The following PHF21A variants were observed in gnomAD, a reference collection of about 807,000 sequenced individuals.
The protein encoded by PHF21A is BHC80a.
PHF21A carries 11 observed loss-of-function variants against 82.5 expected under a neutral mutation model. That is an observed-to-expected ratio of 0.13 (90% CI 0.08 to 0.22). The LOEUF is 0.22. Ranked by LOEUF, PHF21A falls within the 10% of genes least tolerant of loss-of-function variation. The probability of loss-of-function intolerance (pLI) is 1.00; values close to 1 mark genes in which losing one functional copy is unlikely to be tolerated. For missense variants in PHF21A, 579 were observed against 837.8 expected (o/e 0.69, Z 3.81); for synonymous variants, 297 against 302.8 (o/e 0.98, Z 0.20).
At chr11:46,001,786 G>A (rs1021918059) in intron 6 of PHF21A, among the ~76,000 whole-genome samples, 15 of 152,236 alleles carry the variant, frequency 9.9e-5, no homozygotes, top group African/African-American at 3.1e-4. Flanking sequence ...CTAGAAAAAC[G>A]TCACTTTGAA....
At chr11:46,091,348 G>A (rs1232586951) in intron 2 of PHF21A, among the ~76,000 whole-genome samples, 1 of 151,558 alleles carries the variant, frequency 6.6e-6, no homozygotes, top group Admixed American at 6.6e-5. Context: ...GTTAATATTT[G>A]TTTGATGGCT....
intron 6 of PHF21A, among the ~76,000 whole-genome samples, chr11:45,987,878 T>C (rs1234785322): frequency 6.6e-6 from 1 of 152,120 alleles, no homozygotes; most frequent in Non-Finnish European, 1.5e-5. Context: ...CAGCACTGCT[T>C]TGTTAATATC....
At chr11:46,050,683 C>T (rs1468429206) in intron 6 of PHF21A, among the ~76,000 whole-genome samples, 1 of 152,136 alleles carries the variant, frequency 6.6e-6, no homozygotes, top group African/African-American at 2.4e-5. Context: ...CTATAATTTA[C>T]AATTTTTAAT....
At chr11:45,972,838 C>T (rs1029638225) in intron 7 of PHF21A, among the ~76,000 whole-genome samples, 7 of 152,196 alleles carry the variant, frequency 4.6e-5, no homozygotes, top group Non-Finnish European at 7.4e-5. Flanking sequence ...TGCTTGAACC[C>T]GGGAGGCGGA....
intron 16 of PHF21A, 21 bp downstream of exon 16, chr11:45,938,135 CT>C (rs1164217326): frequency 1.9e-6 from 3 of 1,557,726 alleles, no homozygotes; most frequent in Non-Finnish European, 1.7e-6. Context: ...GGCCCCTCCC[CT>C]GTTGGACCCA....
At chr11:45,935,192 G>A (rs2088595278) in intron 18 of PHF21A, 1 of 1,290,378 alleles carries the variant, frequency 7.7e-7, no homozygotes, top group African/African-American at 1.5e-5. Context: ...AATCAGCATG[G>A]TGTGGAAGAA....
At chr11:45,993,358 A>G (rs1419970122) in intron 6 of PHF21A, among the ~76,000 whole-genome samples, 2 of 152,132 alleles carry the variant, frequency 1.3e-5, no homozygotes, top group Non-Finnish European at 2.9e-5. Flanking sequence ...CTCTTATCAA[A>G]TAAGACTCTC....
At chr11:45,962,242 T>C (rs770568216) in intron 10 of PHF21A, among the ~76,000 whole-genome samples, 1 of 152,192 alleles carries the variant, frequency 6.6e-6, no homozygotes, top group Non-Finnish European at 1.5e-5. Flanking sequence ...CTAAAGGGAA[T>C]AGCAGAAAGC....
intron 6 of PHF21A, among the ~76,000 whole-genome samples, chr11:46,022,772 T>C (rs2095656208): frequency 6.6e-6 from 1 of 152,110 alleles, no homozygotes; most frequent in African/African-American, 2.4e-5. Context: ...GCCCGGCTCA[T>C]ATACTGTTAG....
chr11:46,084,101 G>A (rs920777499), intron 4 of PHF21A, 65 bp downstream of exon 4: 1 of 1,125,540 alleles, frequency 8.9e-7, no homozygotes, highest in African/African-American at 1.6e-5. Context: ...ACCAGAGATG[G>A]ACTTGTTTAC....
At chr11:45,980,298 T>A (rs1219098621) in intron 6 of PHF21A, among the ~76,000 whole-genome samples, 3 of 152,168 alleles carry the variant, frequency 2.0e-5, no homozygotes. Context: ...AAAGCAGGAC[T>A]CTGGAGCCAT....
chr11:45,981,729 G>C (rs1366203207), intron 6 of PHF21A, among the ~76,000 whole-genome samples: 2 of 152,062 alleles, frequency 1.3e-5, no homozygotes, highest in African/African-American at 4.8e-5. Context: ...AACCATAAGA[G>C]CCAGGTTAAT....
intron 6 of PHF21A, among the ~76,000 whole-genome samples, chr11:45,980,464 A>G (rs2094231376): frequency 6.6e-6 from 1 of 152,202 alleles, no homozygotes; most frequent in Admixed American, 6.5e-5. Flanking sequence ...TGTTATATGG[A>G]AAGTACTCAG....
chr11:46,118,331 C>G (rs1041044165), intron 1 of PHF21A, among the ~76,000 whole-genome samples: 1 of 151,348 alleles, frequency 6.6e-6, no homozygotes, highest in Non-Finnish European at 1.5e-5. Flanking sequence ...CAATAGCACC[C>G]AAGCAAAACA....
intron 6 of PHF21A, among the ~76,000 whole-genome samples, chr11:46,071,900 A>C (rs879755473): frequency 2.2e-4 from 33 of 152,340 alleles, no homozygotes; most frequent in Admixed American, 4.6e-4. Context: ...ATAAAAAGCA[A>C]GACACACCGT....
At chr11:46,095,431 GAT>G (rs1251967187) in intron 1 of PHF21A, among the ~76,000 whole-genome samples, 2 of 152,074 alleles carry the variant, frequency 1.3e-5, no homozygotes, top group African/African-American at 4.8e-5. Context: ...ATTTTTAAAA[GAT>G]AGATTTGTTC....
chr11:46,041,253 C>T (rs1408071660), intron 6 of PHF21A, among the ~76,000 whole-genome samples: 1 of 151,906 alleles, frequency 6.6e-6, no homozygotes, highest in Admixed American at 6.6e-5. Context: ...AGAATATATA[C>T]TAATATGTCG....
At chr11:46,099,747 T>G (rs577106842) in intron 1 of PHF21A, among the ~76,000 whole-genome samples, 57 of 152,304 alleles carry the variant, frequency 3.7e-4, no homozygotes, top group Admixed American at 2.2e-3. Flanking sequence ...TTATTTCAGT[T>G]AAAAGGTTTT....
chr11:45,972,668 C>G (rs1456450831), intron 7 of PHF21A, among the ~76,000 whole-genome samples: 1 of 152,050 alleles, frequency 6.6e-6, no homozygotes, highest in East Asian at 1.9e-4. Flanking sequence ...AATCCCAGCA[C>G]TTTGGGAGGC....
Sources: gnomAD v4.1 joint callset for allele counts (sites outside exome capture counted in the v4.1 genomes callset) on GRCh38, gnomAD v4.1.1 for gene constraint, MANE v1.5 for transcripts, NCBI Gene and HGNC (gene_info 2026-07-23, HGNC 2026-07-21) for gene names.